Variants in TMEM232 observed in about 807,000 individuals in gnomAD.
TMEM232 encodes transmembrane protein 232.
TMEM232 carries 80 observed loss-of-function variants against 78.8 expected under a neutral mutation model. The ratio of observed to expected loss-of-function variants is 1.01; its 90% CI spans 0.85 to 1.22. TMEM232 has a LOEUF of 1.22. Ranked by LOEUF, TMEM232 falls within the 50% of genes most tolerant of loss-of-function variation. The pLI, the probability that TMEM232 is intolerant of heterozygous loss-of-function variation, is 0.00. For missense variants in TMEM232, 881 were observed against 742.2 expected (o/e 1.19, Z -2.17); for synonymous variants, 297 against 254.3 (o/e 1.17, Z -1.60).
At chr5:110,686,014 T>C (rs1444674783) in intron 1 of TMEM232, among the ~76,000 whole-genome samples, 2 of 151,988 alleles carry the variant, frequency 1.3e-5, no homozygotes, top group Non-Finnish European at 2.9e-5. Context: ...GGAAATATTA[T>C]ATATTAGGGA....
At chr5:110,647,967 A>C (rs563761577) in intron 2 of TMEM232, among the ~76,000 whole-genome samples, 1 of 152,060 alleles carries the variant, frequency 6.6e-6, no homozygotes, top group African/African-American at 2.4e-5. Context: ...CTTCCAAAAA[A>C]TGAATTAGAA....
intron 1 of TMEM232, among the ~76,000 whole-genome samples, chr5:110,680,695 T>C (rs374787372): frequency 1.1e-4 from 17 of 152,178 alleles, no homozygotes; most frequent in African/African-American, 4.1e-4. Flanking sequence ...ATGCTAGATA[T>C]GTCTTTTTTT....
intron 11 of TMEM232, among the ~76,000 whole-genome samples, chr5:110,533,350 AAAC>A (rs1581116055): frequency 2.0e-5 from 3 of 152,074 alleles, no homozygotes; most frequent in East Asian, 1.9e-4. Context: ...ATCCCTTACA[AAAC>A]AACAACTCCT....
chr5:110,557,552 T>G (rs1158389430), intron 11 of TMEM232, among the ~76,000 whole-genome samples: 1 of 152,182 alleles, frequency 6.6e-6, no homozygotes, highest in Non-Finnish European at 1.5e-5. Flanking sequence ...ACAGGAAGCA[T>G]AGCAGCTTCT....
intron 12 of TMEM232, among the ~76,000 whole-genome samples, chr5:110,445,935 C>G (rs1464185607): frequency 1.3e-5 from 2 of 152,138 alleles, no homozygotes; most frequent in South Asian, 2.1e-4. Flanking sequence ...GGTATCTCAT[C>G]ACTTCTGCCA....
chr5:110,605,970 T>A (rs1011376258), intron 9 of TMEM232, among the ~76,000 whole-genome samples, 194 bp downstream of exon 9: 1 of 151,992 alleles, frequency 6.6e-6, no homozygotes, highest in African/African-American at 2.4e-5. Flanking sequence ...AATATAAATT[T>A]TAATATTATG....
chr5:110,610,847 G>C (rs571478693), intron 8 of TMEM232, among the ~76,000 whole-genome samples: 4 of 152,164 alleles, frequency 2.6e-5, no homozygotes, highest in Non-Finnish European at 5.9e-5. Context: ...ATACTTTTTA[G>C]AGAAAAAAGA....
intron 12 of TMEM232, among the ~76,000 whole-genome samples, chr5:110,521,889 G>T (rs771587133): frequency 6.6e-6 from 1 of 152,152 alleles, no homozygotes; most frequent in Non-Finnish European, 1.5e-5. Context: ...AAATCAGAAA[G>T]TGTGATGCCT....
chr5:110,594,165 G>A (rs1237787385), intron 10 of TMEM232, among the ~76,000 whole-genome samples: 1 of 151,868 alleles, frequency 6.6e-6, no homozygotes, highest in Non-Finnish European at 1.5e-5. Flanking sequence ...GCAAGCAGAA[G>A]CATGGTGGGG....
chr5:110,580,133 A>G (rs1778013667), intron 10 of TMEM232, among the ~76,000 whole-genome samples: 1 of 151,770 alleles, frequency 6.6e-6, no homozygotes, highest in Non-Finnish European at 1.5e-5. Flanking sequence ...ATAAATATAT[A>G]TGCAACCAAG....
At chr5:110,575,223 T>C (rs1777441262) in intron 10 of TMEM232, among the ~76,000 whole-genome samples, 1 of 152,092 alleles carries the variant, frequency 6.6e-6, no homozygotes, top group South Asian at 2.1e-4. Flanking sequence ...TTATTTTGCA[T>C]ATATCATCAT....
chr5:110,686,124 T>A (rs1484775836), intron 1 of TMEM232, among the ~76,000 whole-genome samples: 1 of 152,108 alleles, frequency 6.6e-6, no homozygotes. Flanking sequence ...TTGTGCAATG[T>A]GACCTTGCCA....
intron 11 of TMEM232, among the ~76,000 whole-genome samples, chr5:110,562,643 T>C (rs545467957): frequency 2.0e-5 from 3 of 152,204 alleles, no homozygotes; most frequent in Non-Finnish European, 4.4e-5. Flanking sequence ...ACGTGCTTTC[T>C]GGATGAGACA....
At chr5:110,660,061 A>G (rs916831683) in intron 2 of TMEM232, among the ~76,000 whole-genome samples, 1 of 152,132 alleles carries the variant, frequency 6.6e-6, no homozygotes, top group African/African-American at 2.4e-5. Flanking sequence ...ATACATCCAT[A>G]GATTCAAAAA....
intron 7 of TMEM232, among the ~76,000 whole-genome samples, chr5:110,623,655 C>T (rs1024301800): frequency 6.6e-6 from 1 of 152,020 alleles, no homozygotes; most frequent in African/African-American, 2.4e-5. Flanking sequence ...TTAAGATATG[C>T]AGTCCAGCAC....
chr5:110,635,832 C>G (rs965485782), intron 5 of TMEM232, among the ~76,000 whole-genome samples: 3 of 151,866 alleles, frequency 2.0e-5, no homozygotes, highest in Non-Finnish European at 4.4e-5. Context: ...AGTACAGCCA[C>G]TATGGAAAAC....
At chr5:110,406,108 C>A (rs1561458749) in intron 2 of TMEM232, among the ~76,000 whole-genome samples, 1 of 151,900 alleles carries the variant, frequency 6.6e-6, no homozygotes. Flanking sequence ...CAGTAGACAG[C>A]TGAATGGCTG....
chr5:110,569,232 T>C (rs541167922), intron 10 of TMEM232, among the ~76,000 whole-genome samples: 5 of 152,048 alleles, frequency 3.3e-5, no homozygotes, highest in South Asian at 2.1e-4. Flanking sequence ...CTAGAACTTA[T>C]ATAGCAATTA....
intron 1 of TMEM232, among the ~76,000 whole-genome samples, chr5:110,681,839 C>T (rs1792789662): frequency 6.6e-6 from 1 of 152,132 alleles, no homozygotes; most frequent in South Asian, 2.1e-4. Flanking sequence ...AAACCTACTG[C>T]AGAAATAATT....
Sources: gnomAD v4.1 joint callset for allele counts (sites outside exome capture counted in the v4.1 genomes callset) on GRCh38, gnomAD v4.1.1 for gene constraint, MANE v1.5 for transcripts, NCBI Gene and HGNC (gene_info 2026-07-23, HGNC 2026-07-21) for gene names.